DENND5B: variants seen among roughly 807,000 people sequenced by gnomAD.
The protein encoded by DENND5B is DENN domain-containing protein 5B.
Under a neutral mutation model 140.6 loss-of-function variants are expected in DENND5B, and 34 were observed. That is an observed-to-expected ratio of 0.24 (90% CI 0.18 to 0.32). DENND5B has a LOEUF of 0.32. Among genes scored for constraint, DENND5B ranks in the 10% least tolerant of loss-of-function variants. The pLI is 1.00. For missense variants in DENND5B, 1,142 were observed against 1,560.2 expected (o/e 0.73, Z 4.52); for synonymous variants, 551 against 562.1 (o/e 0.98, Z 0.28).
intron 3 of DENND5B, chr12:31,465,148 G>A (rs1018089089): frequency 4.3e-4 from 66 of 152,428 alleles, no homozygotes; most frequent in African/African-American, 1.5e-3. Flanking sequence ...TGGAGAATAA[G>A]GTCAGCCCCT....
At chr12:31,401,643 T>C (rs1484953531) in intron 15 of DENND5B, among the ~76,000 whole-genome samples, 1 of 152,178 alleles carries the variant, frequency 6.6e-6, no homozygotes, top group Non-Finnish European at 1.5e-5. Context: ...TTTTGTTTTG[T>C]TTTTTGAGAC....
At chr12:31,458,435 A>T (rs1944879205) in intron 4 of DENND5B, among the ~76,000 whole-genome samples, 1 of 152,230 alleles carries the variant, frequency 6.6e-6, no homozygotes, top group African/African-American at 2.4e-5. Context: ...TAAAGGATTA[A>T]CTTCTTGGAG....
intron 1 of DENND5B, among the ~76,000 whole-genome samples, chr12:31,514,989 G>A (rs78778056): frequency 0.02 from 3,119 of 152,154 alleles, 56 homozygotes; most frequent in South Asian, 0.052. Context: ...TAGGCATGGT[G>A]GTGCACACCT....
chr12:31,413,604 GA>G, intron 12 of DENND5B, 40 bp from the exon 13 acceptor site: 1 of 1,589,914 alleles, frequency 6.3e-7, no homozygotes, highest in African/African-American at 1.3e-5. Flanking sequence ...AGATTTTAAG[GA>G]TAACCCTGAC....
At chr12:31,399,562 AG>A (rs1211762269) in intron 16 of DENND5B, 91 bp downstream of exon 16, 5 of 1,010,554 alleles carry the variant, frequency 4.9e-6, no homozygotes, top group Non-Finnish European at 7.4e-6. Flanking sequence ...TATAGGTGTG[AG>A]CCACTGTGCC....
chr12:31,400,856 T>TG lies in DENND5B; in HGVS notation c.2950-1085_2950-1084insC, dbSNP rs1326404580. Among the ~76,000 whole-genome samples, 9 of 151,646 alleles carry TG rather than the reference T, an allele frequency of 5.9e-5. 1 individual carries two copies. The highest frequency in any genetic ancestry group is 1.9e-4 in the East Asian group (1 of 5,172). ...CTACGAGTTTTTTTTTTTTGTTTTT[T>TG]TTTTAGACAGAGTTTCGCTCTCGTT... On this transcript the variant is annotated intron_variant, in intron 15 of 20. Transcript: ENST00000389082.
intron 1 of DENND5B, among the ~76,000 whole-genome samples, chr12:31,542,173 A>G (rs1467620567): frequency 6.6e-6 from 1 of 152,104 alleles, no homozygotes; most frequent in Non-Finnish European, 1.5e-5. Flanking sequence ...TTGTAGTCCC[A>G]GCTACTCAGG....
chr12:31,443,438 TTAAG>T (rs535972763), intron 6 of DENND5B, among the ~76,000 whole-genome samples: 181 of 152,300 alleles, frequency 1.2e-3, no homozygotes, highest in Non-Finnish European at 2.1e-3. Context: ...AAAGTTAACT[TTAAG>T]TAAATATTGG....
In DENND5B at chr12:31,396,053, C is replaced by CCTGTTTT. The variant is rs1399702795; in HGVS notation, c.3256+2121_3256+2122insAAAACAG. On this transcript the variant is annotated intron_variant, in intron 17 of 20. Transcript: ENST00000389082. ...TAGCTTCTGGTGGCTGTTGGCATTC[C>CCTGTTTT]TTGTTTTTTTTTTTTTTTTTTTTTT... Among the ~76,000 whole-genome samples the CCTGTTTT allele has an allele frequency of 4.1e-4, 42 of 102,842 alleles. 7 individuals carry two copies. Among genetic ancestry groups the CCTGTTTT allele is most frequent in the Admixed American group, 6.4e-4 (5 of 7,804 alleles). The allele number at this position is 102,842 out of a possible 152,430, so 67.5% of individuals were successfully genotyped here.
At chr12:31,455,424 C>G (rs1944726040) in intron 4 of DENND5B, among the ~76,000 whole-genome samples, 1 of 152,040 alleles carries the variant, frequency 6.6e-6, no homozygotes, top group Non-Finnish European at 1.5e-5. Flanking sequence ...TAAGAAGGGC[C>G]CAAGCTGGGG....
At chr12:31,396,943 A>G (rs547076614) in intron 17 of DENND5B, among the ~76,000 whole-genome samples, 1 of 152,294 alleles carries the variant, frequency 6.6e-6, no homozygotes, top group African/African-American at 2.4e-5. Context: ...GATCCAGGAC[A>G]ATCTCCTATT....
chr12:31,448,961 T>C (rs545737209), intron 5 of DENND5B, among the ~76,000 whole-genome samples: 1 of 152,352 alleles, frequency 6.6e-6, no homozygotes, highest in South Asian at 2.1e-4. Flanking sequence ...GTCTGATGCA[T>C]GGGATGGTTC....
chr12:31,471,981 T>C (rs1189407471), intron 3 of DENND5B, among the ~76,000 whole-genome samples: 1 of 152,160 alleles, frequency 6.6e-6, no homozygotes, highest in East Asian at 1.9e-4. Flanking sequence ...AAGAAGCTGA[T>C]ATGCTCTGCA....
intron 15 of DENND5B, 130 bp from the exon 16 acceptor site, chr12:31,399,902 C>T: frequency 1.6e-6 from 1 of 626,004 alleles, no homozygotes; most frequent in Admixed American, 2.9e-5. Context: ...TTCAGCTATG[C>T]ACTAGAGAAA....
intron 15 of DENND5B, among the ~76,000 whole-genome samples, chr12:31,401,496 C>A (rs1466575181): frequency 6.6e-6 from 1 of 152,110 alleles, no homozygotes; most frequent in Admixed American, 6.6e-5. Context: ...TCAGTTCGTA[C>A]CATTTCCTTC....
At chr12:31,500,256 C>T (rs1244000776) in intron 1 of DENND5B, 3 of 413,506 alleles carry the variant, frequency 7.3e-6, no homozygotes, top group African/African-American at 6.4e-5. Flanking sequence ...TAAAGAGCAT[C>T]CCTAATTAGA....
chr12:31,588,881 C>T (rs775491318), intron 1 of DENND5B, among the ~76,000 whole-genome samples: 1 of 152,162 alleles, frequency 6.6e-6, no homozygotes, highest in Non-Finnish European at 1.5e-5. Context: ...TATTACAAGG[C>T]AAAATACATT....
chr12:31,450,503 C>T (rs1237809294), intron 5 of DENND5B, among the ~76,000 whole-genome samples: 2 of 152,070 alleles, frequency 1.3e-5, no homozygotes, highest in African/African-American at 4.8e-5. Flanking sequence ...ACCAGAGGAG[C>T]ACACCACCAT....
At chr12:31,552,878 T>G (rs1245828016) in intron 1 of DENND5B, among the ~76,000 whole-genome samples, 1 of 152,346 alleles carries the variant, frequency 6.6e-6, no homozygotes, top group East Asian at 1.9e-4. Context: ...GTATCTCTGA[T>G]GGTAGTTTGT....
Sources: gnomAD v4.1 joint callset for allele counts (sites outside exome capture counted in the v4.1 genomes callset) on GRCh38, gnomAD v4.1.1 for gene constraint, MANE v1.5 for transcripts, NCBI Gene and HGNC (gene_info 2026-07-23, HGNC 2026-07-21) for gene names.